The following COBL variants were observed in gnomAD, a reference collection of about 807,000 sequenced individuals.
The protein encoded by COBL is cordon-bleu WH2 repeat protein.
COBL carries 51 observed loss-of-function variants against 98.8 expected under a neutral mutation model. The ratio of observed to expected loss-of-function variants is 0.52; its 90% CI spans 0.41 to 0.65. The LOEUF is 0.65. Among genes scored for constraint, COBL ranks in the 30% least tolerant of loss-of-function variants. The pLI is 0.00. For missense variants in COBL, 1,617 were observed against 1,617.5 expected, an observed-to-expected ratio of 1.00 and a Z score of 0.01; for synonymous variants, 634 against 651.7, an observed-to-expected ratio of 0.97 and a Z score of 0.41.
intron 5 of COBL, among the ~76,000 whole-genome samples, chr7:51,153,348 A>G (rs903452477): frequency 6.6e-6 from 1 of 152,260 alleles, no homozygotes; most frequent in Non-Finnish European, 1.5e-5. Context: ...AATAATTAAG[A>G]TGGTTAGCAA....
chr7:51,305,674 G>GGT (rs764779028), intron 1 of COBL, among the ~76,000 whole-genome samples: 3 of 152,162 alleles, frequency 2.0e-5, no homozygotes, highest in Non-Finnish European at 4.4e-5. Flanking sequence ...GGAGAGCCAA[G>GGT]AACACCAGCT....
chr7:51,288,347 T>C (rs1421009398), intron 1 of COBL, among the ~76,000 whole-genome samples: 2 of 150,482 alleles, frequency 1.3e-5, no homozygotes, highest in African/African-American at 2.4e-5. Flanking sequence ...AACAAGAGAA[T>C]TGCTTGAACC....
chr7:51,188,112 G>GC (rs1789724257), intron 4 of COBL, among the ~76,000 whole-genome samples: 1 of 152,246 alleles, frequency 6.6e-6, no homozygotes. Flanking sequence ...CTCTGGGCTG[G>GC]CCCTCTCAGG....
At chr7:51,257,530 T>C (rs909346177) in intron 1 of COBL, among the ~76,000 whole-genome samples, 31 of 152,340 alleles carry the variant, frequency 2.0e-4, no homozygotes, top group African/African-American at 7.2e-4. Context: ...TCAAGCAATA[T>C]GCAAAGGTTC....
intron 5 of COBL, among the ~76,000 whole-genome samples, chr7:51,157,462 G>A (rs534750705): frequency 2.6e-5 from 4 of 152,324 alleles, no homozygotes; most frequent in African/African-American, 9.6e-5. Flanking sequence ...TCTGAGGGCA[G>A]GGGGTTGGCC....
intron 5 of COBL, among the ~76,000 whole-genome samples, chr7:51,147,178 C>A (rs1785109300): frequency 6.6e-6 from 1 of 152,192 alleles, no homozygotes; most frequent in Admixed American, 6.5e-5. Context: ...TGGGTGTGGC[C>A]TTCCCTCTCT....
Position 51,027,950 on chromosome 7 carries a change from G to C in COBL, c.3146C>G (p.Pro1049Arg). ...GCCAGACCCTCCTGGAGGGTGGGAA[G>C]GCTCGCCGTGGCCTGGGGCGCGCAC... ...GSVRAPGHGE[P>R]SHPPGGSGTE... The change falls in exon 10 of 13, where the codon CCT becomes CGT. Residue 1049 changes from proline (P) to arginine (R), a missense_variant. Physicochemically the swap from Pro to Arg is moderately radical, Grantham distance 103. Transcript: ENST00000265136. 1 of 1,611,806 alleles carries C rather than the reference G, an allele frequency of 6.2e-7. No individual in the cohort carries two copies. Among genetic ancestry groups the C allele is most frequent in the Non-Finnish European group, 8.5e-7 (1 of 1,178,700 alleles).
rs1184687989 is a variant in COBL at position 51,220,658 on chromosome 7, CATTT to C, written c.42-718_42-715del. The stretch of plus-strand genomic sequence containing the variant: ...CACACTGAGGAACATTTTCTTTTAA[CATTT>C]ATTTTAGGTTCAGGGGTCCACGTGC... On this transcript the variant is annotated intron_variant, in intron 1 of 12. Transcript: ENST00000265136. Among the ~76,000 whole-genome samples the C allele has an allele frequency of 4.6e-5, 7 of 152,242 alleles. 1 individual carries two copies. The highest frequency in any genetic ancestry group is 1.7e-4 in the African/African-American group (7 of 41,538).
intron 6 of COBL, among the ~76,000 whole-genome samples, chr7:51,125,154 G>A (rs79470097): frequency 0.016 from 2,427 of 152,278 alleles, 71 homozygotes; most frequent in African/African-American, 0.055. Context: ...AATCCCCAGT[G>A]TGTGACTATA....
At chr7:51,083,156 G>C in intron 7 of COBL, 1 of 1,507,200 alleles carries the variant, frequency 6.6e-7, no homozygotes, top group Non-Finnish European at 8.8e-7. Flanking sequence ...GGGCGGGGGT[G>C]GGGGAAGCAC....
intron 6 of COBL, among the ~76,000 whole-genome samples, chr7:51,094,065 C>A (rs59968861): frequency 6.6e-6 from 1 of 151,452 alleles, no homozygotes; most frequent in Non-Finnish European, 1.5e-5. Flanking sequence ...GAAGAAAATT[C>A]TGTGATTTGT....
At chr7:51,296,915 T>G (rs758992034) in intron 1 of COBL, among the ~76,000 whole-genome samples, 4 of 152,178 alleles carry the variant, frequency 2.6e-5, no homozygotes, top group Non-Finnish European at 5.9e-5. Flanking sequence ...CCTTGGGAGC[T>G]GGAACAACAT....
intron 6 of COBL, among the ~76,000 whole-genome samples, chr7:51,129,488 CAT>C (rs10549974): frequency 0.015 from 2,341 of 152,096 alleles, 59 homozygotes; most frequent in African/African-American, 0.053. Flanking sequence ...ATGACCCACA[CAT>C]GTTTGGTAAA....
At chr7:51,079,194 C>T (rs771378443) in intron 7 of COBL, among the ~76,000 whole-genome samples, 3 of 152,160 alleles carry the variant, frequency 2.0e-5, no homozygotes, top group African/African-American at 4.8e-5. Context: ...AGAAACCACT[C>T]GAGAAGGTGC....
chr7:51,062,201 C>T (rs146910303), intron 7 of COBL, among the ~76,000 whole-genome samples: 31 of 152,270 alleles, frequency 2.0e-4, no homozygotes, highest in African/African-American at 7.5e-4. Flanking sequence ...ACAAAATTAG[C>T]TTTCCCAGGA....
chr7:51,207,998 C>T (rs1791942218), intron 2 of COBL, among the ~76,000 whole-genome samples: 2 of 146,410 alleles, frequency 1.4e-5, no homozygotes, highest in South Asian at 4.3e-4. Flanking sequence ...AGCCTCTTCC[C>T]GGCCGCCATC....
At chr7:51,219,448 T>C (rs1179442253) in intron 2 of COBL, among the ~76,000 whole-genome samples, 1 of 152,092 alleles carries the variant, frequency 6.6e-6, no homozygotes, top group Non-Finnish European at 1.5e-5. Flanking sequence ...GTCACCGCTG[T>C]ACCTGCCCTC....
chr7:51,308,138 C>T (rs1226841675), intron 1 of COBL, among the ~76,000 whole-genome samples: 1 of 152,336 alleles, frequency 6.6e-6, no homozygotes, highest in East Asian at 1.9e-4. Flanking sequence ...CGATCAGTCT[C>T]CCTCCAGCCT....
At chr7:51,165,130 A>G (rs1412832087) in intron 5 of COBL, among the ~76,000 whole-genome samples, 1 of 152,026 alleles carries the variant, frequency 6.6e-6, no homozygotes, top group Non-Finnish European at 1.5e-5. Flanking sequence ...CTTACTTATC[A>G]ATAACATTGA....
Sources: allele counts gnomAD v4.1 joint callset (sites outside exome capture counted in the v4.1 genomes callset), GRCh38; gene constraint gnomAD v4.1.1; transcripts MANE v1.5; gene names NCBI Gene and HGNC (gene_info 2026-07-23, HGNC 2026-07-21).